The following GREM1 variants were observed in gnomAD, a reference collection of about 807,000 sequenced individuals.
GREM1 encodes the protein gremlin 1, DAN family BMP antagonist, also known as gremlin-1.
GREM1 carries 6 observed loss-of-function variants against 13.1 expected under a neutral mutation model. The ratio of observed to expected loss-of-function variants is 0.46; its 90% confidence interval spans 0.25 to 0.91. GREM1 has a LOEUF of 0.91. Among genes scored for constraint, GREM1 ranks in the 40% least tolerant of loss-of-function variants. The probability of loss-of-function intolerance (pLI) is 0.18; values close to 1 mark genes in which losing one functional copy is unlikely to be tolerated. For synonymous variants in GREM1, 98 were observed against 93.7 expected, an observed-to-expected ratio of 1.05 and a Z score of -0.27; for missense variants, 185 against 233.9, an observed-to-expected ratio of 0.79 and a Z score of 1.36.
At chr15:32,728,432 C>G (rs16973259) in intron 1 of GREM1, among the ~76,000 whole-genome samples, 1,737 of 152,180 alleles carry the variant, frequency 0.011, 33 homozygotes, top group African/African-American at 0.039. Flanking sequence ...ATTATCAGCT[C>G]CGAACTTATA....
rs1422275483 is a variant in GREM1, at chr15:32,734,534, G to A, written c.*3289G>A. The A allele has an allele frequency of 1.2e-5, 3 of 247,040 alleles. No homozygotes were observed. Among genetic ancestry groups the A allele is most frequent in the Non-Finnish European group, 2.6e-5 (3 of 117,602 alleles). 15.3% of individuals were successfully genotyped at this position (247,040 alleles called of 1,614,324 possible). On this transcript the variant is annotated 3_prime_UTR_variant, in exon 2 of 2. Transcript: ENST00000651154. ...CCTTGCTGTGTAGGAGGATGAAAGG[G>A]GAGTTGATAGTCTCATAAAACTAAT...
At position 32,731,501 on chromosome 15, in the gene GREM1, G is replaced by T; in HGVS notation, c.*256G>T. Reference sequence around the variant, plus strand: ...TTGTAAACATATCTGCTTTAATGGGGATGTACCAGAAACCCACCTCACCCC... The same window carrying T: ...TTGTAAACATATCTGCTTTAATGGGTATGTACCAGAAACCCACCTCACCCC... On this transcript the variant is annotated 3_prime_UTR_variant, in exon 2 of 2. Transcript: ENST00000651154. 2.0e-6 allele frequency: 1 copy of T among 505,460 alleles called. No homozygotes were observed. Among genetic ancestry groups the T allele is most frequent in the Non-Finnish European group, 3.6e-6 (1 of 278,526 alleles). The allele number at this position is 505,460 out of a possible 1,614,324, so 31.3% of individuals were successfully genotyped here. A position where few individuals can be genotyped will look rare whatever the true frequency, so the allele number is the denominator to read the frequency against.
chr15:32,722,241 T>C (rs116230764), intron 1 of GREM1, among the ~76,000 whole-genome samples: 269 of 152,378 alleles, frequency 1.8e-3, no homozygotes, highest in African/African-American at 6.4e-3. Flanking sequence ...GGAATAGATC[T>C]TTCTAAAACC....
At chr15:32,722,179 A>G (rs1018073148) in intron 1 of GREM1, among the ~76,000 whole-genome samples, 1 of 152,256 alleles carries the variant, frequency 6.6e-6, no homozygotes, top group Non-Finnish European at 1.5e-5. Flanking sequence ...AAAGTTAAAG[A>G]TCAAATTAAA....
At position 32,724,943 on chromosome 15, in the gene GREM1, C is replaced by T. The variant is rs148940192; in HGVS notation, c.-1-5747C>T. Among the ~76,000 whole-genome samples the T allele has an allele frequency of 3.2e-3, 494 of 152,226 alleles. 2 individuals are homozygous for T. Among genetic ancestry groups the T allele is most frequent in the Non-Finnish European group, 5.6e-3 (382 of 68,012 alleles). On this transcript the variant is annotated intron_variant, in intron 1 of 1. Transcript: ENST00000651154. ...TGAGAATGATGGTTTTTGGCTTCAT[C>T]CACGTCCCTGCAAAGGACATGAACT...
chr15:32,724,442 A>G (rs2055462362), intron 1 of GREM1, among the ~76,000 whole-genome samples: 1 of 152,190 alleles, frequency 6.6e-6, no homozygotes, highest in African/African-American at 2.4e-5. Context: ...TGAAATGGGG[A>G]GCAACTGAAT....
chr15:32,719,594 C>T (rs1199110437), intron 1 of GREM1, among the ~76,000 whole-genome samples: 1 of 152,184 alleles, frequency 6.6e-6, no homozygotes, highest in East Asian at 1.9e-4. Flanking sequence ...GTAATTGGAT[C>T]TCCTGCTGGA....
rs1010490384 is a variant in GREM1 at position 32,742,720 on chromosome 15, G to A, written c.*11475G>A. 1.3e-5 allele frequency: 2 copies of A among 152,180 alleles called. No individual in the cohort carries two copies. Among genetic ancestry groups the A allele is most frequent in the African/African-American group, 2.4e-5 (1 of 41,432 alleles). The allele number at this position is 152,180 out of a possible 1,614,324, so 9.4% of individuals were successfully genotyped here. On this transcript the variant is annotated 3_prime_UTR_variant, in exon 2 of 2. Transcript: ENST00000651154. ...GAATAGAGAGCTCAGCAACAAATCC[G>A]TGAATATACAGTCAACTGACATTTG...
Position 32,732,108 on chromosome 15 carries a change from A to C in GREM1, c.*863A>C. On this transcript the variant is annotated 3_prime_UTR_variant, in exon 2 of 2. Transcript: ENST00000651154. ...TTGCAATCTGCTCAAACCTAACACCAAACTGAAAACATAAATACTGACCAC... is the reference window on the plus strand; with the variant it reads ...TTGCAATCTGCTCAAACCTAACACCCAACTGAAAACATAAATACTGACCAC... 1 of 241,422 alleles carries C rather than the reference A, an allele frequency of 4.1e-6. No homozygotes were observed. Among genetic ancestry groups the C allele is most frequent in the Non-Finnish European group, 8.8e-6 (1 of 113,854 alleles). 15.0% of individuals were successfully genotyped at this position (241,422 alleles called of 1,614,324 possible). A position where few individuals can be genotyped will look rare whatever the true frequency, so the allele number is the denominator to read the frequency against.
At chr15:32,725,776 C>T (rs1021549823) in intron 1 of GREM1, among the ~76,000 whole-genome samples, 1 of 152,172 alleles carries the variant, frequency 6.6e-6, no homozygotes, top group Admixed American at 6.5e-5. Context: ...TTAGGTCTTA[C>T]ATTTAAGTCT....
chr15:32,727,046 C>A (rs1463580728), intron 1 of GREM1, among the ~76,000 whole-genome samples: 1 of 152,112 alleles, frequency 6.6e-6, no homozygotes, highest in Non-Finnish European at 1.5e-5. Context: ...AGCCCAGGAC[C>A]AGACAGATTC....
chr15:32,718,963 A>G (rs1595841738), intron 1 of GREM1: 2 of 172,956 alleles, frequency 1.2e-5, no homozygotes, highest in East Asian at 3.1e-4. Flanking sequence ...GGCAGCGGCC[A>G]CCGGCTGGTT....
At position 32,736,686 on chromosome 15, in the gene GREM1, A is replaced by G. The variant is rs2055701502; in HGVS notation, c.*5441A>G. Reference sequence around the variant, plus strand: ...GCAGAGACTTCAGTGTCCACACACAACAAAAAATACAGACTTTACAGAATT... The same window carrying G: ...GCAGAGACTTCAGTGTCCACACACAGCAAAAAATACAGACTTTACAGAATT... On this transcript the variant is annotated 3_prime_UTR_variant, in exon 2 of 2. Transcript: ENST00000651154. The G allele has an allele frequency of 6.6e-6, 1 of 152,240 alleles. No homozygotes were observed. The highest frequency in any genetic ancestry group is 2.4e-5 in the African/African-American group (1 of 41,456). The allele number at this position is 152,240 out of a possible 1,614,324, so 9.4% of individuals were successfully genotyped here.
Position 32,731,139 on chromosome 15 carries a change from C to G in GREM1, c.449C>G (p.Thr150Ser), listed in dbSNP as rs202104240. 6.2e-7 allele frequency: 1 copy of G among 1,614,100 alleles called. No homozygotes were observed. Among genetic ancestry groups the G allele is most frequent in the Non-Finnish European group, 8.5e-7 (1 of 1,179,942 alleles). Residue 150 changes from threonine (T) to serine (S), a missense_variant, in exon 2 of 2, where the codon ACT becomes AGT. Transcript: ENST00000651154. ...SCSFCKPKKF[T>S]TMMVTLNCPE... ...TCCTTCTGCAAGCCCAAGAAATTCA[C>G]TACCATGATGGTCACACTCAACTGC...
chr15:32,727,267 C>G (rs2055527515), intron 1 of GREM1, among the ~76,000 whole-genome samples: 1 of 152,194 alleles, frequency 6.6e-6, no homozygotes, highest in Admixed American at 6.5e-5. Context: ...CAATAAAATA[C>G]TGGCAGCACA....
Position 32,742,049 on chromosome 15 carries a change from T to C in GREM1, c.*10804T>C, listed in dbSNP as rs2140770956. 6.6e-6 allele frequency: 1 copy of C among 152,344 alleles called. No homozygotes were observed. The highest frequency in any genetic ancestry group is 2.1e-4 in the South Asian group (1 of 4,824). 9.4% of individuals were successfully genotyped at this position (152,344 alleles called of 1,614,324 possible). ...ACTTTGTCATAGTCTTTGATCCTTT[T>C]AATATAATGTTAAATTTGGTTTGCC... On this transcript the variant is annotated 3_prime_UTR_variant, in exon 2 of 2. Transcript: ENST00000651154.
chr15:32,729,006 C>CTT (rs563570668), intron 1 of GREM1, among the ~76,000 whole-genome samples: 2 of 147,244 alleles, frequency 1.4e-5, no homozygotes, highest in African/African-American at 5.0e-5. Context: ...TCTGCACTTT[C>CTT]TTTTTTTTTT....
chr15:32,721,537 C>T lies in GREM1; in HGVS notation c.-2+3376C>T, dbSNP rs546546515. Among the ~76,000 whole-genome samples, 234 of 152,218 alleles carry T rather than the reference C, an allele frequency of 1.5e-3. 1 individual carries two copies. The highest frequency in any genetic ancestry group is 5.5e-3 in the African/African-American group (228 of 41,550). The stretch of plus-strand genomic sequence containing the variant: ...TTCGGAGACTGAGGCAGGCGGATCA[C>T]GAGGTCAGGAGTTTGAGACCAGCCT... On this transcript the variant is annotated intron_variant, in intron 1 of 1. Transcript: ENST00000651154.
chr15:32,720,640 T>C (rs575716958), intron 1 of GREM1, among the ~76,000 whole-genome samples: 17 of 152,248 alleles, frequency 1.1e-4, no homozygotes, highest in African/African-American at 3.9e-4. Context: ...TAACATATGC[T>C]CTTAGAAATT....
Sources: allele counts gnomAD v4.1 joint callset (sites outside exome capture counted in the v4.1 genomes callset), GRCh38; gene constraint gnomAD v4.1.1; transcripts MANE v1.5; gene names NCBI Gene and HGNC (gene_info 2026-07-23, HGNC 2026-07-21).